The following NBPF9 variants were observed in gnomAD, a reference collection of about 807,000 sequenced individuals.
NBPF9 encodes NBPF member 9.
A neutral mutation model predicts 97.8 loss-of-function variants in NBPF9; 91 were observed. The observed-to-expected ratio is 0.93, with a 90% confidence interval of 0.79 to 1.11. The LOEUF (loss-of-function observed/expected upper bound fraction) is 1.11. Ranked by LOEUF, NBPF9 falls within the 50% of genes least tolerant of loss-of-function variation. The probability of loss-of-function intolerance (pLI) is 0.00; values close to 1 mark genes in which losing one functional copy is unlikely to be tolerated. For missense variants in NBPF9, 992 were observed against 939.5 expected, an observed-to-expected ratio of 1.06 and a Z score of -0.73; for synonymous variants, 334 against 359.5, an observed-to-expected ratio of 0.93 and a Z score of 0.80.
chr1:149,090,477 C>T (rs1420598279), intron 5 of NBPF9: 139 of 315,764 alleles, frequency 4.4e-4, no homozygotes, highest in Non-Finnish European at 7.5e-4. Context: ...ATATTATAAA[C>T]TGTATCATCT....
exon 7 of NBPF9, chr1:149,082,141 C>T (rs587745533): frequency 1.2e-6 from 2 of 1,611,988 alleles, no homozygotes; most frequent in East Asian, 4.5e-5. Context: ...TACCACCATG[C>T]TGACGTTTGT....
rs2079136825 is a variant in NBPF9 at position 149,067,928 on chromosome 1, CAG to C, written c.1637+1664_1637+1665del. On this transcript the variant is annotated intron_variant, in intron 17 of 29. Coordinates refer to ENST00000584027, the Ensembl canonical transcript of NBPF9. ...TTGAACTAGTTTACAGTCCCACCAA[CAG>C]TGTAAAAGTGTTCCTATTTCTCCAC... 1.4e-5 allele frequency among the ~76,000 whole-genome samples: 2 copies of C among 145,866 alleles called. 1 individual carries two copies. Among genetic ancestry groups the C allele is most frequent in the African/African-American group, 5.3e-5 (2 of 37,916 alleles).
intron 11 of NBPF9, among the ~76,000 whole-genome samples, chr1:149,076,274 T>G (rs2152901550): frequency 6.6e-6 from 1 of 151,462 alleles, no homozygotes; most frequent in South Asian, 2.1e-4. Flanking sequence ...CTCAGCTCAC[T>G]GCCACCTCTG....
intron 29 of NBPF9, among the ~76,000 whole-genome samples, 198 bp from the exon 30 acceptor site, chr1:149,056,097 G>A (rs1412590305): frequency 1.4e-5 from 2 of 139,756 alleles, no homozygotes; most frequent in Non-Finnish European, 3.0e-5. Flanking sequence ...GAGAAAGACA[G>A]AGAGAGAAAG....
Position 149,055,858 on chromosome 1 carries a change from A to T in NBPF9, c.3134T>A (p.Leu1045Ter), listed in dbSNP as rs782040094. The T allele has an allele frequency of 6.2e-7, 1 of 1,607,730 alleles. No individual in the cohort carries two copies. Residue 1045 changes from leucine (L) to a stop codon, truncating the protein, a stop_gained, in exon 30 of 30, where the codon TTG (leucine) becomes TAG (stop). Coordinates refer to ENST00000584027, the Ensembl canonical transcript of NBPF9. LOFTEE classifies it low-confidence loss of function (END_TRUNC). ...ATAACATCCATCCAGTGAGTCCTGC[A>T]AGACTTCAGGCTCTTCCACTTCCAT... is the stretch of plus-strand genomic sequence containing the variant.
rs2152865585 is a variant in NBPF9, at chr1:149,059,104, A to G, written c.2586-7T>C. ...CAGCAGCTCCCTGCTGAGCCTGGAA[A>G]AGTAGGAAAAAGTAAAGAATAAGCC... On this transcript the variant is annotated splice_polypyrimidine_tract_variant and splice_region_variant and intron_variant, in intron 25 of 29. Transcript: ENST00000584027. 2.4e-6 allele frequency: 1 copy of G among 420,802 alleles called. No homozygotes were observed. The highest frequency in any genetic ancestry group is 2.9e-5 in the East Asian group (1 of 34,010). 26.1% of individuals were successfully genotyped at this position (420,802 alleles called of 1,614,324 possible). A position where few individuals can be genotyped will look rare whatever the true frequency, so the allele number is the denominator to read the frequency against.
At chr1:149,093,290 TA>T (rs2081527886) in intron 4 of NBPF9, among the ~76,000 whole-genome samples, 1 of 151,790 alleles carries the variant, frequency 6.6e-6, no homozygotes, top group Non-Finnish European at 1.5e-5. Flanking sequence ...CCTATCTCAG[TA>T]GATGGAATAT....
exon 10 of NBPF9, chr1:149,077,897 T>C: frequency 6.7e-7 from 1 of 1,495,538 alleles, no homozygotes; most frequent in South Asian, 1.1e-5. Context: ...GGGCAGATGA[T>C]TCCAGTACTT....
chr1:149,063,434 G>C lies in NBPF9; in HGVS notation c.2026+199C>G, dbSNP rs1269002513. Among the ~76,000 whole-genome samples the C allele has an allele frequency of 1.3e-4, 19 of 142,534 alleles. No homozygotes were observed. The South Asian group carries it at 1.7e-3, about 13-fold the overall frequency. The allele number at this position is 142,534 out of a possible 152,430, so 93.5% of individuals were successfully genotyped here. A position where few individuals can be genotyped will look rare whatever the true frequency, so the allele number is the denominator to read the frequency against. ...GCGCCACAGGCATGGCCTGAGACTAGGAAGAGAGCCTTGCTCACTGACCCA... is the reference window on the plus strand; with the variant it reads ...GCGCCACAGGCATGGCCTGAGACTACGAAGAGAGCCTTGCTCACTGACCCA... On this transcript the variant is annotated intron_variant, in intron 20 of 29. Coordinates refer to ENST00000584027, the Ensembl canonical transcript of NBPF9.
chr1:149,075,117 C>A (rs1372999687), intron 12 of NBPF9, among the ~76,000 whole-genome samples: 1 of 151,424 alleles, frequency 6.6e-6, no homozygotes, highest in South Asian at 2.1e-4. Context: ...GCCCCTACTC[C>A]CTGCTCTTGA....
intron 7 of NBPF9, among the ~76,000 whole-genome samples, chr1:149,081,370 A>C: frequency 6.6e-6 from 1 of 151,888 alleles, no homozygotes; most frequent in South Asian, 2.1e-4. Flanking sequence ...TGCCCGCCTC[A>C]GCCTCCCAAA....
chr1:149,064,199 A>G lies in NBPF9; in HGVS notation c.1853+232T>C, dbSNP rs587745871. Among the ~76,000 whole-genome samples the G allele has an allele frequency of 2.1e-5, 3 of 140,078 alleles. No homozygotes were observed. The East Asian group carries it at 6.3e-4, about 29-fold the overall frequency. The allele number at this position is 140,078 out of a possible 152,430, so 91.9% of individuals were successfully genotyped here. A position where few individuals can be genotyped will look rare whatever the true frequency, so the allele number is the denominator to read the frequency against. On this transcript the variant is annotated intron_variant, in intron 19 of 29. Transcript: ENST00000584027. Reference sequence around the variant, plus strand: ...CAAGTTTCCCTGCAGTTACCATGAGAATACAGCTTTTGAGGTATGGTCAAC... The same window carrying G: ...CAAGTTTCCCTGCAGTTACCATGAGGATACAGCTTTTGAGGTATGGTCAAC...
intron 17 of NBPF9, among the ~76,000 whole-genome samples, chr1:149,067,641 C>T (rs1213182544): frequency 6.6e-6 from 1 of 151,062 alleles, no homozygotes; most frequent in Non-Finnish European, 1.5e-5. Flanking sequence ...GACATGAACT[C>T]ATCATTTTTT....
At chr1:149,070,806 C>A (rs1331496276) in intron 16 of NBPF9, 128 bp downstream of exon 16, 6 of 1,489,530 alleles carry the variant, frequency 4.0e-6, no homozygotes, top group Non-Finnish European at 4.6e-6. Context: ...CAAAAAACTC[C>A]CTGATATCTG....
intron 18 of NBPF9, chr1:149,064,884 G>T (rs1478425724): frequency 7.6e-6 from 4 of 526,072 alleles, no homozygotes; most frequent in Non-Finnish European, 1.3e-5. Context: ...TTGATGAGGG[G>T]GTGCAATGAA....
At chr1:149,058,079 G>T in intron 27 of NBPF9, 85 bp downstream of exon 27, 2 of 415,424 alleles carry the variant, frequency 4.8e-6, no homozygotes, top group Admixed American at 8.3e-5. Flanking sequence ...AGATGTAATC[G>T]ATAATGTCAG....
intron 4 of NBPF9, among the ~76,000 whole-genome samples, chr1:149,095,814 G>A (rs1269088267): frequency 3.3e-5 from 5 of 152,050 alleles, no homozygotes; most frequent in Non-Finnish European, 5.9e-5. Flanking sequence ...AAATGCTGTC[G>A]AAGATGAGGA....
chr1:149,074,993 G>C (rs1361889246), intron 12 of NBPF9, among the ~76,000 whole-genome samples: 1 of 150,618 alleles, frequency 6.6e-6, no homozygotes, highest in East Asian at 1.9e-4. Context: ...TGTATTTTTA[G>C]TGGAGATGGG....
exon 30 of NBPF9, chr1:149,055,370 G>A (rs1282218076): frequency 1.6e-6 from 1 of 609,014 alleles, no homozygotes; most frequent in Non-Finnish European, 2.8e-6. Context: ...AATCCCTGAG[G>A]AATTTTGTAG....
Sources: gnomAD v4.1 joint callset for allele counts (sites outside exome capture counted in the v4.1 genomes callset) on GRCh38, gnomAD v4.1.1 for gene constraint, MANE v1.5 for transcripts, NCBI Gene and HGNC (gene_info 2026-07-23, HGNC 2026-07-21) for gene names.